The following MTERF3 variants were observed in gnomAD, a reference collection of about 807,000 sequenced individuals.
The protein encoded by MTERF3 is transcription termination factor 3, mitochondrial.
In MTERF3, 40 loss-of-function variants were observed where a neutral mutation model predicts 40.5. The observed-to-expected ratio is 0.99, with a 90% CI of 0.77 to 1.29. The LOEUF is 1.29. Ranked by LOEUF, MTERF3 falls within the 50% of genes most tolerant of loss-of-function variation. The pLI, the probability that MTERF3 is intolerant of heterozygous loss-of-function variation, is 0.00. For missense variants in MTERF3, 452 were observed against 478.2 expected, an observed-to-expected ratio of 0.95 and a Z score of 0.51; for synonymous variants, 158 against 166.6, an observed-to-expected ratio of 0.95 and a Z score of 0.40.
chr8:96,242,909 A>G (rs1160078403), intron 7 of MTERF3, among the ~76,000 whole-genome samples: 2 of 152,246 alleles, frequency 1.3e-5, no homozygotes, highest in Non-Finnish European at 2.9e-5. Flanking sequence ...CCACCAACCC[A>G]GGGAAAAACA....
At chr8:96,259,879 C>T (rs1810347568) in intron 1 of MTERF3, among the ~76,000 whole-genome samples, 1 of 151,972 alleles carries the variant, frequency 6.6e-6, no homozygotes, top group East Asian at 1.9e-4. Context: ...AGTTTCCTTT[C>T]ATTCTGCAAT....
chr8:96,249,902 G>C (rs965423910), intron 4 of MTERF3, among the ~76,000 whole-genome samples: 1 of 152,208 alleles, frequency 6.6e-6, no homozygotes, highest in African/African-American at 2.4e-5. Context: ...CAGTATTTCT[G>C]AGTTGGGCAA....
At chr8:96,258,087 ATTTTG>A (rs760241157) in intron 2 of MTERF3, 147 of 290,786 alleles carry the variant, frequency 5.1e-4, no homozygotes, top group Non-Finnish European at 7.2e-4. Context: ...CACTAGAAGA[ATTTTG>A]TTTTAAGAAT....
chr8:96,246,836 A>ATTT (rs71267235), intron 4 of MTERF3, among the ~76,000 whole-genome samples: 1 of 148,058 alleles, frequency 6.8e-6, no homozygotes, highest in Non-Finnish European at 1.5e-5. Flanking sequence ...TCTGCTTAAG[A>ATTT]TTTTTTTTTT....
chr8:96,247,995 C>T (rs1452304934), intron 4 of MTERF3, among the ~76,000 whole-genome samples: 1 of 152,204 alleles, frequency 6.6e-6, no homozygotes, highest in African/African-American at 2.4e-5. Context: ...TTCCATGTTT[C>T]AACATCTGAT....
intron 1 of MTERF3, among the ~76,000 whole-genome samples, chr8:96,259,538 T>G (rs2129955448): frequency 6.6e-6 from 1 of 152,348 alleles, no homozygotes. Flanking sequence ...ACTCCAGGAA[T>G]ATGAAGGGAT....
intron 4 of MTERF3, among the ~76,000 whole-genome samples, chr8:96,248,927 G>A (rs1295505882): frequency 6.6e-6 from 1 of 152,078 alleles, no homozygotes; most frequent in African/African-American, 2.4e-5. Context: ...ATTTTTTACT[G>A]TATACTCTTT....
In MTERF3 at chr8:96,261,560, G is replaced by T. The variant is rs1309099434; in HGVS notation, c.-70C>A. On this transcript the variant is annotated 5_prime_UTR_variant, in exon 1 of 8. Transcript: ENST00000287025. ...CCGGGACCGACCAACTCGCTGGGCC[G>T]CACGTCCCGTCCCGCCGCGCCGCAC... is the stretch of plus-strand genomic sequence containing the variant. 1 of 154,426 alleles carries T rather than the reference G, an allele frequency of 6.5e-6. No homozygotes were observed. 9.6% of individuals were successfully genotyped at this position (154,426 alleles called of 1,614,324 possible).
At chr8:96,254,327 T>C (rs1379079956) in intron 3 of MTERF3, among the ~76,000 whole-genome samples, 1 of 152,158 alleles carries the variant, frequency 6.6e-6, no homozygotes, top group Non-Finnish European at 1.5e-5. Flanking sequence ...GTATACATTA[T>C]TATTAACTAC....
rs1278876271 is a variant in MTERF3 at position 96,244,076 on chromosome 8, T to C, written c.902A>G (p.Tyr301Cys). 1 of 1,610,532 alleles carries C rather than the reference T, an allele frequency of 6.2e-7. No individual in the cohort carries two copies. Among genetic ancestry groups the C allele is most frequent in the South Asian group, 1.1e-5 (1 of 90,950 alleles). The change falls in exon 7 of 8, where the codon TAT becomes TGT. Residue 301 changes from tyrosine to cysteine, a missense_variant. Coordinates refer to ENST00000287025, the MANE Select transcript of MTERF3 (RefSeq NM_015942.5). ...LEPVKENMKV[Y>C]RLELGFKHNE... Reference sequence around the variant, plus strand: ...ATGTTTAAAACCAAGTTCAAGACGATAAACCTAAAAGAAAGTAAATTTGCT... The same window carrying C: ...ATGTTTAAAACCAAGTTCAAGACGACAAACCTAAAAGAAAGTAAATTTGCT...
intron 4 of MTERF3, among the ~76,000 whole-genome samples, chr8:96,248,895 C>T (rs1487431139): frequency 6.6e-6 from 1 of 152,142 alleles, no homozygotes; most frequent in Admixed American, 6.5e-5. Flanking sequence ...AATAAAGGTT[C>T]TCATACCTGT....
Position 96,250,694 on chromosome 8 carries a change from AG to A in MTERF3, c.677+211del, listed in dbSNP as rs1223664504. The stretch of plus-strand genomic sequence containing the variant: ...AAGAAGAAGAAGAAGGAGGAGGAGG[AG>A]GGGGGGAGGGGGAGGGGGAGAAGAA... On this transcript the variant is annotated intron_variant, in intron 4 of 7. Transcript: ENST00000287025. 8.7e-4 allele frequency among the ~76,000 whole-genome samples: 15 copies of A among 17,264 alleles called. 1 individual carries two copies. Among genetic ancestry groups the A allele is most frequent in the South Asian group, 4.2e-3 (2 of 472 alleles). 11.3% of individuals were successfully genotyped at this position (17,264 alleles called of 152,430 possible). A position where few individuals can be genotyped will look rare whatever the true frequency, so the allele number is the denominator to read the frequency against.
intron 4 of MTERF3, among the ~76,000 whole-genome samples, chr8:96,248,518 T>C (rs533779584): frequency 1.3e-5 from 2 of 152,324 alleles, no homozygotes; most frequent in South Asian, 2.1e-4. Context: ...ATATGCTTCC[T>C]AGAAGGTTGA....
intron 4 of MTERF3, among the ~76,000 whole-genome samples, chr8:96,247,885 C>T (rs369875475): frequency 1.3e-5 from 2 of 151,550 alleles, no homozygotes; most frequent in East Asian, 1.9e-4. Flanking sequence ...GAACGTTTAC[C>T]GAAAAAGAAA....
Position 96,241,099 on chromosome 8 carries a change from C to T in MTERF3, c.1060-1414G>A, listed in dbSNP as rs1240752277. On this transcript the variant is annotated intron_variant, in intron 7 of 7. Transcript: ENST00000287025. ...TTTTTTTAGAAGTATGACTCCTATG[C>T]AGTGATTCTTGGCTTAAAAAACTAT... 4.6e-5 allele frequency among the ~76,000 whole-genome samples: 7 copies of T among 152,094 alleles called. 1 individual carries two copies. The South Asian group carries it at 1.2e-3, about 27-fold the overall frequency.
At chr8:96,261,322 T>A (rs1810382794) in intron 1 of MTERF3, among the ~76,000 whole-genome samples, 179 bp downstream of exon 1, 1 of 152,242 alleles carries the variant, frequency 6.6e-6, no homozygotes, top group Non-Finnish European at 1.5e-5. Flanking sequence ...TTAGCCAGCA[T>A]GGTTGAGTTT....
intron 2 of MTERF3, 54 bp downstream of exon 2, chr8:96,258,303 T>C (rs1810317332): frequency 2.0e-6 from 3 of 1,512,862 alleles, no homozygotes; most frequent in Non-Finnish European, 2.7e-6. Flanking sequence ...ACAGGTAGCT[T>C]GTTCAAATGG....
chr8:96,246,667 C>A (rs549936065), intron 4 of MTERF3, among the ~76,000 whole-genome samples: 23 of 152,314 alleles, frequency 1.5e-4, no homozygotes, highest in Non-Finnish European at 2.8e-4. Flanking sequence ...TCCACTTATA[C>A]TTAAAAACAG....
At chr8:96,258,332 G>A (rs1205482036) in intron 2 of MTERF3, 25 bp downstream of exon 2, 1 of 1,574,586 alleles carries the variant, frequency 6.4e-7, no homozygotes, top group Non-Finnish European at 8.7e-7. Flanking sequence ...GGGAAAGGGA[G>A]ACTTTTCTGA....
Sources: gnomAD v4.1 joint callset for allele counts (sites outside exome capture counted in the v4.1 genomes callset) on GRCh38, gnomAD v4.1.1 for gene constraint, MANE v1.5 for transcripts, NCBI Gene and HGNC (gene_info 2026-07-23, HGNC 2026-07-21) for gene names.